Variants in CNNM2 observed in about 807,000 individuals in gnomAD.
CNNM2 encodes the protein cyclin and CBS domain divalent metal cation transport mediator 2.
Under a neutral mutation model 66.9 loss-of-function variants are expected in CNNM2, and 12 were observed. That is an observed-to-expected ratio of 0.18 (90% CI 0.11 to 0.29). CNNM2 has a LOEUF of 0.29. CNNM2 is among the 10% of genes least tolerant of loss of function. The pLI is 1.00. For synonymous variants in CNNM2, 557 were observed against 501.8 expected (o/e 1.11, Z -1.47); for missense variants, 705 against 1,167.7 (o/e 0.60, Z 5.77).
At chr10:102,949,722 G>A (rs752493314) in intron 1 of CNNM2, among the ~76,000 whole-genome samples, 24 of 152,040 alleles carry the variant, frequency 1.6e-4, no homozygotes, top group Non-Finnish European at 3.4e-4. Flanking sequence ...TCTGGAGGGC[G>A]GAGGTTGCAG....
intron 1 of CNNM2, among the ~76,000 whole-genome samples, chr10:103,000,720 C>G (rs1021150474): frequency 6.6e-6 from 1 of 152,262 alleles, no homozygotes; most frequent in African/African-American, 2.4e-5. Context: ...GCTGGGATTA[C>G]AGGTATGTAC....
Position 103,064,388 on chromosome 10 carries a change from G to GTT in CNNM2, c.2074-4234_2074-4233dup, listed in dbSNP as rs71019653. Among the ~76,000 whole-genome samples the GTT allele has an allele frequency of 9.9e-5, 15 of 151,952 alleles. No homozygotes were observed. In the East Asian group the frequency reaches 2.5e-3, roughly 25 times the overall value. Reference sequence around the variant, plus strand: ...GAAATGATGGTAACAGTAGATAGCTGTTTTTTTTGTTTTGTTTTGTTTTGA... The same window carrying GTT: ...GAAATGATGGTAACAGTAGATAGCTGTTTTTTTTTTGTTTTGTTTTGTTTTGA... On this transcript the variant is annotated intron_variant, in intron 4 of 7. Coordinates refer to ENST00000369878, the MANE Select transcript of CNNM2 (RefSeq NM_017649.5).
chr10:102,985,692 C>T lies in CNNM2; in HGVS notation c.1622-64015C>T, dbSNP rs1465959371. 2.0e-5 allele frequency among the ~76,000 whole-genome samples: 3 copies of T among 152,200 alleles called. No individual in the cohort carries two copies. In the East Asian group the frequency reaches 5.8e-4, roughly 29 times the overall value. On this transcript the variant is annotated intron_variant, in intron 1 of 7. Coordinates refer to ENST00000369878, the MANE Select transcript of CNNM2 (RefSeq NM_017649.5). ...GATAAGTACTTTATGCCTTATTCTA[C>T]AGCAGAATATTTGTTTTGTTTACAT...
chr10:103,042,207 T>C (rs2086051726), intron 1 of CNNM2, among the ~76,000 whole-genome samples: 1 of 152,228 alleles, frequency 6.6e-6, no homozygotes, highest in South Asian at 2.1e-4. Flanking sequence ...CAAATCCTGC[T>C]GGCTCTTTCT....
chr10:103,044,715 A>T (rs1462584755), intron 1 of CNNM2, among the ~76,000 whole-genome samples: 2 of 152,254 alleles, frequency 1.3e-5, no homozygotes, highest in Non-Finnish European at 2.9e-5. Context: ...TACTGTGCAC[A>T]GGGAAGAAGT....
In CNNM2 at chr10:102,951,640, CTTTTTTTTTTT is replaced by C. The variant is rs759271515; in HGVS notation, c.1621+31544_1621+31554del. Among the ~76,000 whole-genome samples, 8 of 129,452 alleles carry C rather than the reference CTTTTTTTTTTT, an allele frequency of 6.2e-5. 1 individual carries two copies. The South Asian group carries it at 1.5e-3, about 25-fold the overall frequency. The allele number at this position is 129,452 out of a possible 152,430, so 84.9% of individuals were successfully genotyped here. On this transcript the variant is annotated intron_variant, in intron 1 of 7. Coordinates refer to ENST00000369878, the MANE Select transcript of CNNM2 (RefSeq NM_017649.5). Reference sequence around the variant, plus strand: ...AAAAATTTTAGAAACTTTTTTTTTTCTTTTTTTTTTTTTTTACAGACAAGGTCTCACTTTGT... The same window carrying C: ...AAAAATTTTAGAAACTTTTTTTTTTCTTTTACAGACAAGGTCTCACTTTGT...
intron 1 of CNNM2, among the ~76,000 whole-genome samples, chr10:103,025,532 G>A (rs1297408244): frequency 6.6e-6 from 1 of 152,200 alleles, no homozygotes; most frequent in Non-Finnish European, 1.5e-5. Context: ...TTCTTTGCCT[G>A]AATCAATACA....
chr10:103,003,804 G>A (rs2064170769), intron 1 of CNNM2, among the ~76,000 whole-genome samples: 1 of 151,598 alleles, frequency 6.6e-6, no homozygotes, highest in African/African-American at 2.4e-5. Context: ...CCTAGTTACT[G>A]TATCCCCCCG....
In CNNM2 at chr10:103,079,973, T is replaced by C. The variant is rs1011177702; in HGVS notation, c.*2793T>C. 2 of 152,132 alleles carry C rather than the reference T, an allele frequency of 1.3e-5. No individual in the cohort carries two copies. The highest frequency in any genetic ancestry group is 4.8e-5 in the African/African-American group (2 of 41,432). 9.4% of individuals were successfully genotyped at this position (152,132 alleles called of 1,614,324 possible). A position where few individuals can be genotyped will look rare whatever the true frequency, so the allele number is the denominator to read the frequency against. ...TCTTTGGGGCAGCAGGAGAATGACT[T>C]TGGCTTGGAAGGCCTCTGCCATTCA... On this transcript the variant is annotated 3_prime_UTR_variant, in exon 8 of 8. Transcript: ENST00000369878.
chr10:102,937,272 C>T (rs1316002781), intron 1 of CNNM2, among the ~76,000 whole-genome samples: 2 of 152,026 alleles, frequency 1.3e-5, no homozygotes, highest in African/African-American at 4.8e-5. Flanking sequence ...TGAAAGCCAG[C>T]AGGGTGGCAT....
At chr10:103,016,253 G>A (rs182879783) in intron 1 of CNNM2, among the ~76,000 whole-genome samples, 7 of 152,130 alleles carry the variant, frequency 4.6e-5, no homozygotes, top group African/African-American at 1.7e-4. Context: ...AAATTTTTCT[G>A]TTGGATTACT....
intron 1 of CNNM2, among the ~76,000 whole-genome samples, chr10:103,044,165 C>T (rs538459282): frequency 6.6e-6 from 1 of 152,274 alleles, no homozygotes; most frequent in South Asian, 2.1e-4. Flanking sequence ...ATCAGTTTAT[C>T]ATCTTTTTAA....
rs900591177 is a variant in CNNM2, at chr10:103,077,039, C to A, written c.2487C>A (p.Asp829Glu). ...TGGACAAAACCCCCCAGTCTTCAGA[C>A]AGTGAAAACACTAAAATCGAATTGA... is the stretch of plus-strand genomic sequence containing the variant. ...SRMDKTPQSS[D>E]SENTKIELTL... The change falls in exon 8 of 8, where the codon GAC becomes GAA. Residue 829 changes from aspartate to glutamate, a missense_variant. Coordinates refer to ENST00000369878, the MANE Select transcript of CNNM2 (RefSeq NM_017649.5). 4 of 1,613,980 alleles carry A rather than the reference C, an allele frequency of 2.5e-6. No homozygotes were observed. In the South Asian group the frequency reaches 4.4e-5, roughly 18 times the overall value.
At chr10:102,975,488 A>AAC (rs1554894112) in intron 1 of CNNM2, among the ~76,000 whole-genome samples, 12 of 151,338 alleles carry the variant, frequency 7.9e-5, no homozygotes, top group Admixed American at 5.3e-4. Context: ...AAAAAAAAAA[A>AAC]CAAACCTCCA....
chr10:103,054,341 C>G lies in CNNM2; in HGVS notation c.1778C>G (p.Thr593Arg). Reference protein sequence around the residue: ...DETDLYTDNRTKKKVAHRERK... With the variant: ...DETDLYTDNRRKKKVAHRERK... ...ATTCCTCCCTTAGCTGACAACAGAACGAAAAAGAAAGTGGCTCACCGGGAA... is the reference window on the plus strand; with the variant it reads ...ATTCCTCCCTTAGCTGACAACAGAAGGAAAAAGAAAGTGGCTCACCGGGAA... Residue 593 changes from threonine to arginine, a missense_variant, in exon 3 of 8, where the codon ACG (threonine) becomes AGG (arginine). By Grantham distance (71) the Thr-to-Arg change is moderately conservative (BLOSUM62 -1). This residue lies in a region of CNNM2 where 171 missense variants were observed against 304.8 expected (regional missense o/e 0.56). Transcript: ENST00000369878. This position sits in a 1 kb window ranked among gnomAD's most constrained non-coding sequence, Gnocchi z 5.2. 1 of 1,613,526 alleles carries G rather than the reference C, an allele frequency of 6.2e-7. No individual in the cohort carries two copies. Among genetic ancestry groups the G allele is most frequent in the Non-Finnish European group, 8.5e-7 (1 of 1,179,736 alleles).
chr10:103,072,498 C>T (rs1046232250), intron 6 of CNNM2, among the ~76,000 whole-genome samples: 17 of 151,884 alleles, frequency 1.1e-4, no homozygotes, highest in South Asian at 2.1e-4. Flanking sequence ...ACCAGGCAGG[C>T]GACCCCGCTT....
At position 103,079,888 on chromosome 10, in the gene CNNM2, C is replaced by A. The variant is rs1032871173; in HGVS notation, c.*2708C>A. On this transcript the variant is annotated 3_prime_UTR_variant, in exon 8 of 8. Transcript: ENST00000369878. ...GCGGCCAGATTCCTCCTCCAGGCCCCATTTTCCCTCAGGAAACCAACCTCT... is the reference window on the plus strand; with the variant it reads ...GCGGCCAGATTCCTCCTCCAGGCCCAATTTTCCCTCAGGAAACCAACCTCT... 8 of 152,212 alleles carry A rather than the reference C, an allele frequency of 5.3e-5. No homozygotes were observed. The highest frequency in any genetic ancestry group is 1.9e-4 in the African/African-American group (8 of 41,434). 9.4% of individuals were successfully genotyped at this position (152,212 alleles called of 1,614,324 possible).
intron 1 of CNNM2, among the ~76,000 whole-genome samples, chr10:103,038,362 C>T (rs1194007116): frequency 6.6e-6 from 1 of 152,202 alleles, no homozygotes; most frequent in Non-Finnish European, 1.5e-5. Flanking sequence ...CTGGCTGCTG[C>T]ATGCACTGTG....
Position 103,090,012 on chromosome 10 carries a change from A to G in CNNM2, c.*12832A>G. On this transcript the variant is annotated 3_prime_UTR_variant, in exon 8 of 8. Transcript: ENST00000369878. ...GTTAGGTGGCCATGCAATTACATCT[A>G]TAATGGACCACAGGACAAGTCAATA... 4 of 812,640 alleles carry G rather than the reference A, an allele frequency of 4.9e-6. No homozygotes were observed. Among genetic ancestry groups the G allele is most frequent in the Non-Finnish European group, 7.6e-6 (4 of 527,438 alleles). The allele number at this position is 812,640 out of a possible 1,614,324, so 50.3% of individuals were successfully genotyped here.
Sources: allele counts gnomAD v4.1 joint callset (sites outside exome capture counted in the v4.1 genomes callset), GRCh38; gene constraint gnomAD v4.1.1; regional missense constraint gnomAD v4.1.1; non-coding constraint Gnocchi (gnomAD v3.1); transcripts MANE v1.5; gene names NCBI Gene and HGNC (gene_info 2026-07-23, HGNC 2026-07-21).